The following WDR87 variants were observed in gnomAD, a reference collection of about 807,000 sequenced individuals.
The protein encoded by WDR87 is WD repeat domain 87.
In WDR87, 56 loss-of-function variants were observed where a neutral mutation model predicts 83.3. That is an observed-to-expected ratio of 0.67 (90% confidence interval 0.54 to 0.84). WDR87 has a LOEUF of 0.84. Among genes scored for constraint, WDR87 ranks in the 40% least tolerant of loss-of-function variants. The probability of loss-of-function intolerance (pLI) is 0.00; values close to 1 mark genes in which losing one functional copy is unlikely to be tolerated. For synonymous variants in WDR87, 1,173 were observed against 1,250.6 expected, an observed-to-expected ratio of 0.94 and a Z score of 1.31; for missense variants, 2,939 against 3,431.9, an observed-to-expected ratio of 0.86 and a Z score of 3.59.
At position 37,887,006 on chromosome 19, in the gene WDR87, C is replaced by T. The variant is rs761411243; in HGVS notation, c.6665G>A (p.Gly2222Glu). Residue 2222 changes from glycine (G) to glutamate (E), a missense_variant, in exon 6 of 6, where the codon GGA becomes GAA. This residue lies in a region of WDR87 where 2,160 missense variants were observed against 2,533.1 expected (regional missense o/e 0.85). Transcript: ENST00000447313. ...EVILDDEEEG[G>E]IEEEEVIPFL... ...TGGGATTACCTCTTCTTCTTCTATTCCTCCTTCCTCTTCATCATCCAGTAT... is the reference window on the plus strand; with the variant it reads ...TGGGATTACCTCTTCTTCTTCTATTTCTCCTTCCTCTTCATCATCCAGTAT... The T allele has an allele frequency of 1.5e-5, 23 of 1,551,860 alleles. No homozygotes were observed. Among genetic ancestry groups the T allele is most frequent in the Non-Finnish European group, 1.7e-5 (19 of 1,147,078 alleles).
chr19:37,895,760 C>T, intron 3 of WDR87, among the ~76,000 whole-genome samples: 1 of 87,134 alleles, frequency 1.1e-5, no homozygotes. Flanking sequence ...GAGCGAGACT[C>T]TGTCTCAAAA....
Position 37,894,615 on chromosome 19 carries a change from G to A in WDR87, c.1088C>T (p.Ser363Phe). ...GACCCGACGCAACTGCTGGGGAGCA[G>A]AGCCACAGACATTGAAGAGGCTGTA... ...CFYSLFNVCG[S>F]APQQLRRVCC... Residue 363 changes from serine to phenylalanine, a missense_variant, in exon 4 of 6, where the codon TCT (serine) becomes TTT (phenylalanine). By Grantham distance (155) the Ser-to-Phe change is radical. This residue lies in a region of WDR87 where 553 missense variants were observed against 577.9 expected (regional missense o/e 0.96). Transcript: ENST00000447313. The A allele has an allele frequency of 4.5e-6, 7 of 1,551,760 alleles. No homozygotes were observed. Among genetic ancestry groups the A allele is most frequent in the Non-Finnish European group, 6.1e-6 (7 of 1,147,016 alleles).
At chr19:37,897,151 A>G (rs2046262021) in intron 2 of WDR87, among the ~76,000 whole-genome samples, 1 of 149,918 alleles carries the variant, frequency 6.7e-6, no homozygotes, top group South Asian at 2.1e-4. Context: ...TACAATATAT[A>G]TATTATCCCA....
At chr19:37,892,461 G>GAT in intron 4 of WDR87, 117 bp downstream of exon 4, 1 of 991,532 alleles carries the variant, frequency 1.0e-6, no homozygotes, top group East Asian at 2.6e-5. Flanking sequence ...CGTGAGCAAA[G>GAT]GCTATGAGAA....
intron 2 of WDR87, among the ~76,000 whole-genome samples, chr19:37,897,079 A>C (rs2046261388): frequency 6.6e-6 from 1 of 152,182 alleles, no homozygotes; most frequent in South Asian, 2.1e-4. Context: ...TTAAAGCTGC[A>C]CTAAGTGAGA....
chr19:37,902,605 C>T (rs908148814), intron 1 of WDR87, among the ~76,000 whole-genome samples: 25 of 152,184 alleles, frequency 1.6e-4, no homozygotes, highest in African/African-American at 6.0e-4. Context: ...TTGGGACCAA[C>T]GCATGTTATT....
chr19:37,887,154 T>C lies in WDR87; in HGVS notation c.6517A>G (p.Lys2173Glu). ...DFSEKRSELT[K>E]DEKKLARKQR... ...TTCCGAGCCAGTTTCTTCTCATCTTTAGTCAGTTCTGATCGTTTTTCAGAA... is the reference window on the plus strand; with the variant it reads ...TTCCGAGCCAGTTTCTTCTCATCTTCAGTCAGTTCTGATCGTTTTTCAGAA... The change falls in exon 6 of 6, where the codon AAA becomes GAA. Residue 2173 changes from lysine (K) to glutamate (E), a missense_variant. By Grantham distance (56) the Lys-to-Glu change is moderately conservative. Around this residue, in one of 3 missense-constraint regions of WDR87, gnomAD observed 2,160 missense variants for 2,533.1 expected, o/e 0.85. Transcript: ENST00000447313. The C allele has an allele frequency of 6.4e-7, 1 of 1,551,426 alleles. No homozygotes were observed. Among genetic ancestry groups the C allele is most frequent in the Non-Finnish European group, 8.7e-7 (1 of 1,146,984 alleles).
intron 3 of WDR87, 73 bp from the exon 4 acceptor site, chr19:37,895,529 A>T: frequency 7.1e-7 from 1 of 1,406,822 alleles, no homozygotes; most frequent in Non-Finnish European, 9.5e-7. Context: ...GCACTTTGGG[A>T]GGCCGAGGCG....
In WDR87 at chr19:37,885,016, G is replaced by A. The variant is rs1188368794; in HGVS notation, c.8655C>T (p.Ile2885=). ...GCAGGCTCTTCCAGGCAAGTTCTAA[G>A]ATCCCATACCGGGCAATGCCCACGG... is the stretch of plus-strand genomic sequence containing the variant. ...ILPVGIARYG[I]LELAWKSLPE... Residue 2885 remains isoleucine (I), a synonymous_variant, in exon 6 of 6, where the codon ATC becomes ATT. Transcript: ENST00000447313. 1 of 1,423,278 alleles carries A rather than the reference G, an allele frequency of 7.0e-7. No homozygotes were observed. The highest frequency in any genetic ancestry group is 9.2e-7 in the Non-Finnish European group (1 of 1,085,648). 88.2% of individuals were successfully genotyped at this position (1,423,278 alleles called of 1,614,324 possible).
Position 37,894,290 on chromosome 19 carries a change from C to A in WDR87, c.1413G>T (p.Arg471=). The A allele has an allele frequency of 6.4e-7, 1 of 1,551,742 alleles. No individual in the cohort carries two copies. The highest frequency in any genetic ancestry group is 8.7e-7 in the Non-Finnish European group (1 of 1,146,996). The change falls in exon 4 of 6, where the codon CGG becomes CGT. Residue 471 remains arginine (R), a synonymous_variant. Transcript: ENST00000447313. ...CLAYGHFNLG[R]GLEGLIFSGH... is the part of the protein sequence containing the mutation. ...CAGAGAATATCAGTCCCTCTAGACC[C>A]CGCCCCAAGTTGAAATGCCCATAAG...
At position 37,886,892 on chromosome 19, in the gene WDR87, T is replaced by G; in HGVS notation, c.6779A>C (p.Glu2260Ala). 2 of 1,551,602 alleles carry G rather than the reference T, an allele frequency of 1.3e-6. No homozygotes were observed. The highest frequency in any genetic ancestry group is 2.7e-5 in the African/African-American group (2 of 73,124). Reference protein sequence around the residue: ...EKFSSQVDEVESEEHFSEEME... With the variant: ...EKFSSQVDEVASEEHFSEEME... ...TTCTTCAGAAAAATGCTCTTCACTT[T>G]CCACTTCATCCACTTGACTGGAAAA... is the stretch of plus-strand genomic sequence containing the variant. Residue 2260 changes from glutamate (E) to alanine (A), a missense_variant, in exon 6 of 6, where the codon GAA (glutamate) becomes GCA (alanine). Glu to Ala is a moderately radical substitution (Grantham distance 107). Coordinates refer to ENST00000447313, the MANE Select transcript of WDR87 (RefSeq NM_001291088.2).
At position 37,889,560 on chromosome 19, in the gene WDR87, CACCTT is replaced by C. The variant is rs2046184734; in HGVS notation, c.4106_4110del (p.Gln1369ArgfsTer49). The C allele has an allele frequency of 6.4e-7, 1 of 1,551,666 alleles. No individual in the cohort carries two copies. Among genetic ancestry groups the C allele is most frequent in the Admixed American group, 2.0e-5 (1 of 50,984 alleles). The stretch of plus-strand genomic sequence containing the variant: ...TTGTGTCTGATCACCTCTTGGGTCA[CACCTT>C]GTATCATGTCCTCTCTAATTGCTCC... On this transcript the variant is annotated frameshift_variant, in exon 6 of 6. Coordinates refer to ENST00000447313, the MANE Select transcript of WDR87 (RefSeq NM_001291088.2). LOFTEE classifies it low-confidence loss of function (END_TRUNC).
In WDR87 at chr19:37,885,033, T is replaced by C; in HGVS notation, c.8638A>G (p.Ile2880Val). 1.4e-6 allele frequency: 2 copies of C among 1,447,036 alleles called. No homozygotes were observed. The highest frequency in any genetic ancestry group is 9.1e-7 in the Non-Finnish European group (1 of 1,098,048). The allele number at this position is 1,447,036 out of a possible 1,614,324, so 89.6% of individuals were successfully genotyped here. The change falls in exon 6 of 6, where the codon ATT becomes GTT. Residue 2880 changes from isoleucine (I) to valine (V), a missense_variant. Coordinates refer to ENST00000447313, the MANE Select transcript of WDR87 (RefSeq NM_001291088.2). ...AGTTCTAAGATCCCATACCGGGCAA[T>C]GCCCACGGGAAGGATGGTGCGCACA... ...NCVRTILPVG[I>V]ARYGILELAW...
chr19:37,885,053 C>G lies in WDR87; in HGVS notation c.8618G>C (p.Arg2873Pro). 1 of 1,468,714 alleles carries G rather than the reference C, an allele frequency of 6.8e-7. No homozygotes were observed. Among genetic ancestry groups the G allele is most frequent in the Non-Finnish European group, 9.0e-7 (1 of 1,108,608 alleles). 91.0% of individuals were successfully genotyped at this position (1,468,714 alleles called of 1,614,324 possible). The change falls in exon 6 of 6, where the codon CGC becomes CCC. Residue 2873 changes from arginine to proline, a missense_variant. This residue lies in a region of WDR87 where 2,160 missense variants were observed against 2,533.1 expected (regional missense o/e 0.85). Transcript: ENST00000447313. ...GGCAATGCCCACGGGAAGGATGGTGCGCACACAGTTCTGCCATGGGAGGGG... is the reference window on the plus strand; with the variant it reads ...GGCAATGCCCACGGGAAGGATGGTGGGCACACAGTTCTGCCATGGGAGGGG... ...AVPLPWQNCVRTILPVGIARY... is the reference protein window; with the variant it reads ...AVPLPWQNCVPTILPVGIARY...
chr19:37,896,435 A>T, intron 2 of WDR87, 127 bp from the exon 3 acceptor site: 1 of 931,996 alleles, frequency 1.1e-6, no homozygotes, highest in Non-Finnish European at 1.5e-6. Context: ...CTCCTGTTAC[A>T]CTCACACGTG....
chr19:37,900,438 G>GT (rs1465867934), intron 1 of WDR87, among the ~76,000 whole-genome samples: 5 of 151,416 alleles, frequency 3.3e-5, no homozygotes, highest in Non-Finnish European at 4.4e-5. Flanking sequence ...ATGGGCGCCT[G>GT]TAACTCCAGC....
Position 37,887,478 on chromosome 19 carries a change from T to G in WDR87, c.6193A>C (p.Met2065Leu). 2 of 1,551,876 alleles carry G rather than the reference T, an allele frequency of 1.3e-6. No homozygotes were observed. Among genetic ancestry groups the G allele is most frequent in the Non-Finnish European group, 1.7e-6 (2 of 1,147,002 alleles). The change falls in exon 6 of 6, where the codon ATG (methionine) becomes CTG (leucine). Residue 2065 changes from methionine to leucine, a missense_variant. Met to Leu is a conservative substitution (Grantham distance 15, BLOSUM62 2). This residue lies in a region of WDR87 where 2,160 missense variants were observed against 2,533.1 expected (regional missense o/e 0.85). Coordinates refer to ENST00000447313, the MANE Select transcript of WDR87 (RefSeq NM_001291088.2). ...ILLHEDRILA[M>L]EESEIAKGKL... is the part of the protein sequence containing the mutation. ...CCTTTGGCAATTTCGCTTTCCTCCA[T>G]GGCCAATATCCTGTCTTCATGTAGC...
Position 37,886,824 on chromosome 19 carries a change from A to G in WDR87, c.6847T>C (p.Ser2283Pro). 1.3e-6 allele frequency: 2 copies of G among 1,549,066 alleles called. No individual in the cohort carries two copies. Among genetic ancestry groups the G allele is most frequent in the Non-Finnish European group, 1.7e-6 (2 of 1,146,646 alleles). ...LDELEKQESL[S>P]SEEEEEREEE... The stretch of plus-strand genomic sequence containing the variant: ...TCCCTTTCCTCCTCCTCCTCAGAAG[A>G]CAAACTCTCTTGCTTTTCTAGTTCA... The change falls in exon 6 of 6, where the codon TCT (serine) becomes CCT (proline). Residue 2283 changes from serine (S) to proline (P), a missense_variant. By Grantham distance (74) the Ser-to-Pro change is moderately conservative. This residue lies in a region of WDR87 where 2,160 missense variants were observed against 2,533.1 expected (regional missense o/e 0.85). Coordinates refer to ENST00000447313, the MANE Select transcript of WDR87 (RefSeq NM_001291088.2).
rs116031239 is a variant in WDR87, at chr19:37,894,049, C to T, written c.1654G>A (p.Ala552Thr). Reference sequence around the variant, plus strand: ...AGGTGACAGCTGCTGAGAATGCTGGCGAGAGGCCGCAGTTGTACTTTGACC... The same window carrying T: ...AGGTGACAGCTGCTGAGAATGCTGGTGAGAGGCCGCAGTTGTACTTTGACC... Reference protein sequence around the residue: ...DGVKVQLRPLASILSSCHLTH... With the variant: ...DGVKVQLRPLTSILSSCHLTH... Residue 552 changes from alanine to threonine, a missense_variant, in exon 4 of 6, where the codon GCC becomes ACC. Coordinates refer to ENST00000447313, the MANE Select transcript of WDR87 (RefSeq NM_001291088.2). 9.9e-3 allele frequency: 15,291 copies of T among 1,551,894 alleles called. 114 individuals are homozygous for T. Among genetic ancestry groups the T allele is most frequent in the African/African-American group, 0.018 (1,335 of 73,136 alleles).
Sources: gnomAD v4.1 joint callset for allele counts (sites outside exome capture counted in the v4.1 genomes callset) on GRCh38, gnomAD v4.1.1 for gene constraint, gnomAD v4.1.1 regional missense constraint, MANE v1.5 for transcripts, NCBI Gene and HGNC (gene_info 2026-07-23, HGNC 2026-07-21) for gene names.